GYG1: variants seen among roughly 807,000 people sequenced by gnomAD.
GYG1 encodes glycogenin 1.
A neutral mutation model predicts 41.9 loss-of-function variants in GYG1; 44 were observed. That is an observed-to-expected ratio of 1.05 (90% CI 0.83 to 1.35). The LOEUF (loss-of-function observed/expected upper bound fraction) is 1.35, where lower values mean the gene tolerates loss of function less well. GYG1 is among the 40% of genes most tolerant of loss of function. The pLI, the probability that GYG1 is intolerant of heterozygous loss-of-function variation, is 0.00. For missense variants in GYG1, 429 were observed against 418.9 expected, an observed-to-expected ratio of 1.02 and a Z score of -0.21; for synonymous variants, 141 against 158.1, an observed-to-expected ratio of 0.89 and a Z score of 0.81.
chr3:149,006,860 A>G (rs1346827051), intron 4 of GYG1, among the ~76,000 whole-genome samples: 1 of 152,216 alleles, frequency 6.6e-6, no homozygotes, highest in Non-Finnish European at 1.5e-5. Flanking sequence ...CCTTTAATGA[A>G]TGGCATGATG....
In GYG1 at chr3:148,994,235, G is replaced by A. The variant is rs1328299947; in HGVS notation, c.101G>A (p.Arg34Lys). 6.2e-7 allele frequency: 1 copy of A among 1,613,886 alleles called. No homozygotes were observed. Among genetic ancestry groups the A allele is most frequent in the African/African-American group, 1.3e-5 (1 of 74,890 alleles). The change falls in exon 2 of 8, where the codon AGG (arginine) becomes AAG (lysine). Residue 34 changes from arginine to lysine, a missense_variant. Coordinates refer to ENST00000345003, the MANE Select transcript of GYG1 (RefSeq NM_004130.4). ...CTGAAACAGCACAGGACCACCAGGAGGCTGGTCGTGCTCGCCACCCCTCAG... is the reference window on the plus strand; with the variant it reads ...CTGAAACAGCACAGGACCACCAGGAAGCTGGTCGTGCTCGCCACCCCTCAG... ...SSLKQHRTTR[R>K]LVVLATPQVS... is the part of the protein sequence containing the mutation.
At chr3:149,016,623 A>G (rs1185351317) in intron 5 of GYG1, among the ~76,000 whole-genome samples, 1 of 152,110 alleles carries the variant, frequency 6.6e-6, no homozygotes, top group Non-Finnish European at 1.5e-5. Context: ...AGGCAAAGAA[A>G]TTGGGTGGGT....
At chr3:148,992,218 C>T (rs1559994906) in intron 1 of GYG1, among the ~76,000 whole-genome samples, 1 of 152,286 alleles carries the variant, frequency 6.6e-6, no homozygotes, top group African/African-American at 2.4e-5. Context: ...CGGGCGCGAG[C>T]CCCGTCTGGT....
At chr3:149,024,338 G>C in intron 6 of GYG1, 66 bp downstream of exon 6, 4 of 960,858 alleles carry the variant, frequency 4.2e-6, no homozygotes, top group Non-Finnish European at 6.8e-6. Context: ...TGTATCAATA[G>C]AGATGTGGAA....
In GYG1 at chr3:149,009,036, G is replaced by A. The variant is rs1473318013; in HGVS notation, c.482-240G>A. On this transcript the variant is annotated intron_variant, in intron 4 of 7. Transcript: ENST00000345003. The stretch of plus-strand genomic sequence containing the variant: ...TTGCCTGACGTGGTGGCATGCACCT[G>A]TAGTCCCAGCTACTCGGGAGGCTTA... 7 of 440,256 alleles carry A rather than the reference G, an allele frequency of 1.6e-5. No homozygotes were observed. The East Asian group carries it at 3.3e-4, about 21-fold the overall frequency. 27.3% of individuals were successfully genotyped at this position (440,256 alleles called of 1,614,324 possible). A position where few individuals can be genotyped will look rare whatever the true frequency, so the allele number is the denominator to read the frequency against.
In GYG1 at chr3:149,028,927, C is replaced by T. The variant is rs1313462958; in HGVS notation, c.*1994C>T. Reference sequence around the variant, plus strand: ...GTAGAGACAGGTTTCACCATGTTGCCAGGATGGTCTCAATCTCTTGACCTC... The same window carrying T: ...GTAGAGACAGGTTTCACCATGTTGCTAGGATGGTCTCAATCTCTTGACCTC... On this transcript the variant is annotated 3_prime_UTR_variant, in exon 8 of 8. Transcript: ENST00000345003. 6.6e-6 allele frequency among the ~76,000 whole-genome samples: 1 copy of T among 152,104 alleles called. No individual in the cohort carries two copies. The highest frequency in any genetic ancestry group is 1.5e-5 in the Non-Finnish European group (1 of 68,012).
At chr3:149,000,999 T>C (rs1328720206) in intron 4 of GYG1, 3 of 152,218 alleles carry the variant, frequency 2.0e-5, no homozygotes, top group Non-Finnish European at 2.9e-5. Context: ...GATTTGGTGC[T>C]ACATTGTATT....
chr3:149,005,699 G>A (rs1319594149), intron 4 of GYG1, among the ~76,000 whole-genome samples: 1 of 152,140 alleles, frequency 6.6e-6, no homozygotes, highest in East Asian at 1.9e-4. Flanking sequence ...CTGTTCTTGT[G>A]GAATTTAGCA....
chr3:149,002,877 CG>C (rs1304225289), intron 4 of GYG1, among the ~76,000 whole-genome samples: 1 of 151,874 alleles, frequency 6.6e-6, no homozygotes, highest in African/African-American at 2.4e-5. Context: ...AAAAATTAGC[CG>C]GGTGTGGTGG....
chr3:149,027,048 C>A lies in GYG1; in HGVS notation c.*115C>A. 8.8e-7 allele frequency: 1 copy of A among 1,139,994 alleles called. No individual in the cohort carries two copies. Among genetic ancestry groups the A allele is most frequent in the Non-Finnish European group, 1.3e-6 (1 of 764,238 alleles). The allele number at this position is 1,139,994 out of a possible 1,614,324, so 70.6% of individuals were successfully genotyped here. Reference sequence around the variant, plus strand: ...CAGTTGCTAGAGGTTTTCATTAAAACTTATCAGATGAGAGGCTTTTTTAGG... The same window carrying A: ...CAGTTGCTAGAGGTTTTCATTAAAAATTATCAGATGAGAGGCTTTTTTAGG... On this transcript the variant is annotated 3_prime_UTR_variant, in exon 8 of 8. Transcript: ENST00000345003.
intron 5 of GYG1, among the ~76,000 whole-genome samples, chr3:149,022,843 G>A (rs201356874): frequency 8.2e-4 from 124 of 152,098 alleles, no homozygotes; most frequent in Non-Finnish European, 4.7e-4. Context: ...TGTTTGACCC[G>A]TTGCCTTTTT....
Position 149,028,687 on chromosome 3 carries a change from A to G in GYG1, c.*1754A>G, listed in dbSNP as rs1206173394. On this transcript the variant is annotated 3_prime_UTR_variant, in exon 8 of 8. Coordinates refer to ENST00000345003, the MANE Select transcript of GYG1 (RefSeq NM_004130.4). ...AGCATAACAAAGCTCTAAGGTGGAA[A>G]AGCTGACATAGTTTTAAATTTTTTT... Among the ~76,000 whole-genome samples, 1 of 151,514 alleles carries G rather than the reference A, an allele frequency of 6.6e-6. No individual in the cohort carries two copies. The highest frequency in any genetic ancestry group is 1.5e-5 in the Non-Finnish European group (1 of 67,960).
In GYG1 at chr3:148,994,242, C is replaced by G; in HGVS notation, c.108C>G (p.Val36=). ...AGCACAGGACCACCAGGAGGCTGGTCGTGCTCGCCACCCCTCAGGTCTCAG... is the reference window on the plus strand; with the variant it reads ...AGCACAGGACCACCAGGAGGCTGGTGGTGCTCGCCACCCCTCAGGTCTCAG... ...LKQHRTTRRL[V]VLATPQVSDS... Residue 36 remains valine, a synonymous_variant, in exon 2 of 8, where the codon GTC becomes GTG. Transcript: ENST00000345003. 1 of 1,614,014 alleles carries G rather than the reference C, an allele frequency of 6.2e-7. No homozygotes were observed. The highest frequency in any genetic ancestry group is 8.5e-7 in the Non-Finnish European group (1 of 1,179,934).
intron 5 of GYG1, among the ~76,000 whole-genome samples, chr3:149,014,297 T>A (rs1187829915): frequency 1.3e-5 from 2 of 152,166 alleles, no homozygotes; most frequent in East Asian, 3.8e-4. Context: ...TTCTGGTGCC[T>A]TACCTAAGTC....
intron 4 of GYG1, among the ~76,000 whole-genome samples, chr3:148,997,287 G>A (rs1203441955): frequency 6.6e-6 from 1 of 152,140 alleles, no homozygotes; most frequent in Admixed American, 6.6e-5. Context: ...AGCCATTCCA[G>A]GAGGATCAAG....
Position 149,009,531 on chromosome 3 carries a change from G to T in GYG1, c.608+129G>T, listed in dbSNP as rs113754217. On this transcript the variant is annotated intron_variant, in intron 5 of 7. Transcript: ENST00000345003. ...AGACACTTTGAGGAAAGTTTCTCTT[G>T]TAAGAACCGTGGCTGCAATGGGGAG... 1,928 of 966,500 alleles carry T rather than the reference G, an allele frequency of 2.0e-3. 5 individuals carry two copies. The highest frequency in any genetic ancestry group is 2.9e-3 in the Non-Finnish European group (1,749 of 599,728). The allele number at this position is 966,500 out of a possible 1,614,324, so 59.9% of individuals were successfully genotyped here. A position where few individuals can be genotyped will look rare whatever the true frequency, so the allele number is the denominator to read the frequency against.
intron 4 of GYG1, among the ~76,000 whole-genome samples, chr3:149,002,282 A>G (rs569981023): frequency 1.2e-4 from 19 of 152,376 alleles, no homozygotes; most frequent in African/African-American, 4.6e-4. Flanking sequence ...ACATCTAACA[A>G]CTAATACACA....
At chr3:149,019,564 A>T (rs1188392082) in intron 5 of GYG1, among the ~76,000 whole-genome samples, 1 of 152,234 alleles carries the variant, frequency 6.6e-6, no homozygotes, top group Non-Finnish European at 1.5e-5. Flanking sequence ...CTTAAAATGA[A>T]AACTGCCCTG....
intron 4 of GYG1, among the ~76,000 whole-genome samples, chr3:149,006,748 T>C (rs1286928011): frequency 6.6e-6 from 1 of 152,228 alleles, no homozygotes; most frequent in Non-Finnish European, 1.5e-5. Flanking sequence ...AGTATTTTGA[T>C]GATTATGTGT....
Sources: allele counts gnomAD v4.1 joint callset (sites outside exome capture counted in the v4.1 genomes callset), GRCh38; gene constraint gnomAD v4.1.1; transcripts MANE v1.5; gene names NCBI Gene and HGNC (gene_info 2026-07-23, HGNC 2026-07-21).